Variants in KIF26B observed in about 807,000 individuals in gnomAD.
KIF26B encodes kinesin family member 26B.
KIF26B carries 63 observed loss-of-function variants against 151.2 expected under a neutral mutation model. The observed-to-expected ratio is 0.42, with a 90% CI of 0.34 to 0.51. The LOEUF (loss-of-function observed/expected upper bound fraction) is 0.51. Ranked by LOEUF, KIF26B falls within the 20% of genes least tolerant of loss-of-function variation. KIF26B has a pLI of 0.07. For synonymous variants in KIF26B, 1,357 were observed against 1,262.1 expected (o/e 1.08, Z -1.59); for missense variants, 2,813 against 2,913.6 (o/e 0.97, Z 0.79).
At chr1:245,592,737 T>C (rs1376930165) in intron 5 of KIF26B, among the ~76,000 whole-genome samples, 1 of 149,044 alleles carries the variant, frequency 6.7e-6, no homozygotes, top group Non-Finnish European at 1.5e-5. Context: ...TCTTTGAACA[T>C]GTCATGCAGG....
In KIF26B at chr1:245,156,366, G is replaced by T; in HGVS notation, c.148G>T (p.Ala50Ser). The T allele has an allele frequency of 6.5e-7, 1 of 1,544,192 alleles. No homozygotes were observed. The highest frequency in any genetic ancestry group is 8.7e-7 in the Non-Finnish European group (1 of 1,144,760). The stretch of plus-strand genomic sequence containing the variant: ...CCGGAAAGCATACGAGGAGTCGCGC[G>T]CCGGCAGCCGGCCCACTCCTGAGGG... ...WYRKAYEESR[A>S]GSRPTPEGAG... is the part of the protein sequence containing the mutation. Residue 50 changes from alanine to serine, a missense_variant, in exon 2 of 15, where the codon GCC becomes TCC. Physicochemically the swap from Ala to Ser is moderately conservative, Grantham distance 99. Coordinates refer to ENST00000407071, the MANE Select transcript of KIF26B (RefSeq NM_018012.4).
intron 9 of KIF26B, among the ~76,000 whole-genome samples, chr1:245,612,610 T>G (rs2043539865): frequency 6.6e-6 from 1 of 152,220 alleles, no homozygotes; most frequent in Non-Finnish European, 1.5e-5. Context: ...AGTATCTTTT[T>G]GTTCACAGAC....
intron 4 of KIF26B, among the ~76,000 whole-genome samples, chr1:245,532,218 T>TTTTTCTTTTCTTTTCTTTTCTTTTC (rs543766882): frequency 1.1e-3 from 162 of 145,252 alleles, no homozygotes; most frequent in African/African-American, 4.2e-3. Context: ...GGAAAATTCT[T>TTTTTCTTTTCTTTTCTTTTCTTTTC]TTTTCTTTTC....
At chr1:245,693,127 G>A (rs2044648605) in intron 12 of KIF26B, among the ~76,000 whole-genome samples, 9 of 152,222 alleles carry the variant, frequency 5.9e-5, no homozygotes, top group Admixed American at 5.9e-4. Flanking sequence ...TTACTTCCTT[G>A]GATTCTTTCC....
chr1:245,556,083 T>C (rs1397173825), intron 5 of KIF26B, among the ~76,000 whole-genome samples: 1 of 152,208 alleles, frequency 6.6e-6, no homozygotes, highest in Non-Finnish European at 1.5e-5. Flanking sequence ...CTGGGGACAC[T>C]GGCTCCAGGT....
chr1:245,387,022 C>T (rs1173664), intron 3 of KIF26B, among the ~76,000 whole-genome samples: 2 of 151,998 alleles, frequency 1.3e-5, no homozygotes, highest in East Asian at 1.9e-4. Flanking sequence ...AATTCCCCTG[C>T]GCATCTGAAA....
intron 4 of KIF26B, among the ~76,000 whole-genome samples, chr1:245,446,531 C>A (rs897683163): frequency 3.3e-5 from 5 of 152,106 alleles, no homozygotes; most frequent in Non-Finnish European, 5.9e-5. Flanking sequence ...AGGAAGGCAT[C>A]GTGTCTGAGG....
intron 2 of KIF26B, among the ~76,000 whole-genome samples, chr1:245,237,624 C>T (rs190322096): frequency 1.1e-3 from 173 of 152,292 alleles, no homozygotes; most frequent in Non-Finnish European, 1.8e-3. Flanking sequence ...TTCAGCCTTT[C>T]GGAAACACAC....
chr1:245,596,178 A>T (rs780691677), intron 5 of KIF26B, among the ~76,000 whole-genome samples: 5 of 151,870 alleles, frequency 3.3e-5, no homozygotes, highest in Non-Finnish European at 7.4e-5. Flanking sequence ...CTCTGATCTT[A>T]GTTATTTCTT....
chr1:245,156,676 C>G lies in KIF26B; in HGVS notation c.458C>G (p.Pro153Arg). ...ALRLLLPGPF[P>R]GKDPAFSAVI... ...AGGTTGCTCCTCCCGGGGCCCTTCCCGGGCAAGGTGAGCGCCGCGCGGGGC... is the reference window on the plus strand; with the variant it reads ...AGGTTGCTCCTCCCGGGGCCCTTCCGGGGCAAGGTGAGCGCCGCGCGGGGC... Residue 153 changes from proline (P) to arginine (R), a missense_variant, in exon 2 of 15, where the codon CCG (proline) becomes CGG (arginine). Pro to Arg is a moderately radical substitution (Grantham distance 103). This residue lies in a region of KIF26B where 676 missense variants were observed against 688.1 expected (regional missense o/e 0.98). Coordinates refer to ENST00000407071, the MANE Select transcript of KIF26B (RefSeq NM_018012.4). The G allele has an allele frequency of 3.3e-6, 5 of 1,496,234 alleles. No homozygotes were observed. The highest frequency in any genetic ancestry group is 5.6e-5 in the East Asian group (2 of 35,794). 92.7% of individuals were successfully genotyped at this position (1,496,234 alleles called of 1,614,324 possible).
chr1:245,431,450 T>G (rs1236124857), intron 4 of KIF26B, among the ~76,000 whole-genome samples: 2 of 152,088 alleles, frequency 1.3e-5, no homozygotes, highest in African/African-American at 4.8e-5. Context: ...CTTCAGGCGA[T>G]TCTCCTGCCT....
At position 245,619,603 on chromosome 1, in the gene KIF26B, C is replaced by CAAAAAAAA. The variant is rs34022501; in HGVS notation, c.2098+7639_2098+7646dup. On this transcript the variant is annotated intron_variant, in intron 9 of 14. Coordinates refer to ENST00000407071, the MANE Select transcript of KIF26B (RefSeq NM_018012.4). ...CCTGGGCAATAGAGGGAAACTGTTTCAAAAAAAAAAAAAAAAAAAGAATCT... is the reference window on the plus strand; with the variant it reads ...CCTGGGCAATAGAGGGAAACTGTTTCAAAAAAAAAAAAAAAAAAAAAAAAAAAGAATCT... Among the ~76,000 whole-genome samples, 583 of 110,690 alleles carry CAAAAAAAA rather than the reference C, an allele frequency of 5.3e-3. 5 individuals carry two copies. The highest frequency in any genetic ancestry group is 0.019 in the African/African-American group (543 of 27,922). The allele number at this position is 110,690 out of a possible 152,430, so 72.6% of individuals were successfully genotyped here.
chr1:245,691,451 C>T (rs913077282), intron 12 of KIF26B, among the ~76,000 whole-genome samples: 2 of 152,212 alleles, frequency 1.3e-5, no homozygotes, highest in Non-Finnish European at 1.5e-5. Context: ...TGCTGTAGAT[C>T]CAGGCTCCAT....
At chr1:245,461,683 T>C (rs1659651010) in intron 4 of KIF26B, among the ~76,000 whole-genome samples, 1 of 152,214 alleles carries the variant, frequency 6.6e-6, no homozygotes, top group Non-Finnish European at 1.5e-5. Flanking sequence ...CTGAGAGCTC[T>C]ATGTTGCATC....
chr1:245,533,908 A>G (rs139820478), intron 4 of KIF26B, among the ~76,000 whole-genome samples: 309 of 152,186 alleles, frequency 2.0e-3, no homozygotes, highest in Middle Eastern at 6.8e-3. Context: ...TCATTTTTTT[A>G]GGTTTGGGTA....
chr1:245,523,488 A>G (rs1199939544), intron 4 of KIF26B, among the ~76,000 whole-genome samples: 2 of 152,200 alleles, frequency 1.3e-5, no homozygotes, highest in Non-Finnish European at 2.9e-5. Flanking sequence ...CATAGTCTAA[A>G]TTTATAAACA....
chr1:245,369,185 GA>G (rs952026071), intron 3 of KIF26B, among the ~76,000 whole-genome samples: 1 of 150,616 alleles, frequency 6.6e-6, no homozygotes, highest in Non-Finnish European at 1.5e-5. Flanking sequence ...GAGAGAGAGA[GA>G]GAGAGAGAGA....
At chr1:245,299,592 A>G (rs2102976933) in intron 2 of KIF26B, among the ~76,000 whole-genome samples, 1 of 152,308 alleles carries the variant, frequency 6.6e-6, no homozygotes. Flanking sequence ...TTCTTACAAC[A>G]GTCCTGAGAC....
At chr1:245,507,804 G>A (rs1263861903) in intron 4 of KIF26B, among the ~76,000 whole-genome samples, 1 of 152,140 alleles carries the variant, frequency 6.6e-6, no homozygotes, top group Non-Finnish European at 1.5e-5. Context: ...CTTGCCAACA[G>A]ATGTTTTGAC....
Sources: gnomAD v4.1 joint callset for allele counts (sites outside exome capture counted in the v4.1 genomes callset) on GRCh38, gnomAD v4.1.1 for gene constraint, gnomAD v4.1.1 regional missense constraint, MANE v1.5 for transcripts, NCBI Gene and HGNC (gene_info 2026-07-23, HGNC 2026-07-21) for gene names.